Variants in STK32C observed in about 807,000 individuals in gnomAD.
STK32C encodes serine/threonine kinase 32C.
In STK32C, 31 loss-of-function variants were observed where a neutral mutation model predicts 56.5. The observed-to-expected ratio is 0.55, with a 90% CI of 0.41 to 0.74. The LOEUF is 0.74. Ranked by LOEUF, STK32C falls within the 30% of genes least tolerant of loss-of-function variation. The probability of loss-of-function intolerance (pLI) is 0.00; values close to 1 mark genes in which losing one functional copy is unlikely to be tolerated. For synonymous variants in STK32C, 309 were observed against 289.4 expected, an observed-to-expected ratio of 1.07 and a Z score of -0.69; for missense variants, 544 against 676.9, an observed-to-expected ratio of 0.80 and a Z score of 2.18.
At chr10:132,210,358 G>C (rs1220571432) in intron 10 of STK32C, among the ~76,000 whole-genome samples, 1 of 152,228 alleles carries the variant, frequency 6.6e-6, no homozygotes, top group Non-Finnish European at 1.5e-5. Flanking sequence ...CCAGGTTCAA[G>C]TGATTCTGCT....
chr10:132,280,786 C>T (rs911418570), intron 1 of STK32C, among the ~76,000 whole-genome samples: 4 of 147,144 alleles, frequency 2.7e-5, no homozygotes, highest in African/African-American at 5.1e-5. Flanking sequence ...TCTGTGATCA[C>T]GCCACTGCAC....
At chr10:132,309,153 A>G (rs1157345425), upstream of STK32C, among the ~76,000 whole-genome samples, 2 of 152,030 alleles carry the variant, frequency 1.3e-5, no homozygotes, top group Non-Finnish European at 2.9e-5. Flanking sequence ...CTACCCTGTC[A>G]TTCAGCCACT....
intron 10 of STK32C, among the ~76,000 whole-genome samples, chr10:132,221,705 TGACGCACCTGGG>T (rs2062666212): frequency 9.1e-5 from 6 of 65,784 alleles, no homozygotes; most frequent in South Asian, 6.8e-4. Flanking sequence ...CAACTGATGC[TGACGCACCTGGG>T]CGAGTGTGAG....
chr10:132,215,948 G>C (rs1352305673), intron 10 of STK32C, among the ~76,000 whole-genome samples: 1 of 152,198 alleles, frequency 6.6e-6, no homozygotes, highest in African/African-American at 2.4e-5. Flanking sequence ...TACAGCAAAG[G>C]TGGCTCTTGT....
At position 132,246,586 on chromosome 10, in the gene STK32C, G is replaced by A. The variant is rs534644794; in HGVS notation, c.263-631C>T. On this transcript the variant is annotated intron_variant, in intron 1 of 11. Transcript: ENST00000298630. ...TGAGAGCCGTTCCGCAAGCCTGTGC[G>A]AAGCTGCAGAAGGCACCATTTCCCA... Among the ~76,000 whole-genome samples the A allele has an allele frequency of 4.6e-5, 7 of 152,328 alleles. No homozygotes were observed. In the South Asian group the frequency reaches 1.4e-3, roughly 32 times the overall value.
chr10:132,305,689 A>G (rs2066037397), intron 1 of STK32C, among the ~76,000 whole-genome samples: 1 of 152,186 alleles, frequency 6.6e-6, no homozygotes, highest in Admixed American at 6.5e-5. Context: ...CGGCATCCAC[A>G]CTCAGAGGTG....
chr10:132,242,108 T>C (rs137870048), intron 2 of STK32C, among the ~76,000 whole-genome samples: 1 of 33,488 alleles, frequency 3.0e-5, no homozygotes, highest in Non-Finnish European at 5.4e-5. Context: ...AGACCCTGAC[T>C]GAAAAAATGC....
chr10:132,240,683 T>C (rs560399329), intron 2 of STK32C, among the ~76,000 whole-genome samples: 1 of 152,112 alleles, frequency 6.6e-6, no homozygotes, highest in South Asian at 2.1e-4. Context: ...GCGGACGCCG[T>C]GCGCCTGTGC....
At chr10:132,219,166 G>A (rs1178057110) in intron 10 of STK32C, among the ~76,000 whole-genome samples, 1 of 152,184 alleles carries the variant, frequency 6.6e-6, no homozygotes, top group African/African-American at 2.4e-5. Context: ...AAAAACCATG[G>A]AATTATATGC....
chr10:132,302,654 G>C (rs904871614), intron 1 of STK32C, among the ~76,000 whole-genome samples: 1 of 152,206 alleles, frequency 6.6e-6, no homozygotes, highest in African/African-American at 2.4e-5. Context: ...CCCACCCCTT[G>C]CCTCACAGGG....
intron 1 of STK32C, among the ~76,000 whole-genome samples, chr10:132,250,828 G>A (rs1195749508): frequency 3.3e-5 from 5 of 152,218 alleles, no homozygotes; most frequent in African/African-American, 1.2e-4. Flanking sequence ...CCCCAGAGAG[G>A]AGGAAGGTTC....
chr10:132,283,532 G>C (rs766984743), intron 1 of STK32C, among the ~76,000 whole-genome samples: 1 of 152,200 alleles, frequency 6.6e-6, no homozygotes, highest in African/African-American at 2.4e-5. Context: ...CTCTAGAAAG[G>C]CAGATTCCCT....
At position 132,245,861 on chromosome 10, in the gene STK32C, G is replaced by A. The variant is rs372435840; in HGVS notation, c.318+39C>T. 4 of 1,595,632 alleles carry A rather than the reference G, an allele frequency of 2.5e-6. No homozygotes were observed. In the African/African-American group the frequency reaches 5.4e-5, roughly 21 times the overall value. On this transcript the variant is annotated intron_variant, in intron 2 of 11. Transcript: ENST00000298630. ...TGTCCGACTCCACGGTTCTGCCCCT[G>A]CCCCCTCAGCCCAGTCCCCACCCCA...
intron 2 of STK32C, among the ~76,000 whole-genome samples, chr10:132,231,710 C>T (rs958607037): frequency 3.0e-4 from 46 of 152,148 alleles, no homozygotes; most frequent in Non-Finnish European, 4.9e-4. Flanking sequence ...TGATAGACAC[C>T]CTGATAAAAG....
intron 8 of STK32C, among the ~76,000 whole-genome samples, chr10:132,223,581 G>A (rs1002885547): frequency 1.3e-5 from 2 of 152,258 alleles, no homozygotes; most frequent in Non-Finnish European, 2.9e-5. Flanking sequence ...TGAGCCACCT[G>A]GGCAGGTGTG....
chr10:132,225,551 A>C lies in STK32C; in HGVS notation c.748T>G (p.Leu250Val). ...IIKDGERATA[L>V]AGTKPYMAPE... ...CCCATGTACGGCTTGGTGCCTGCTA[A>C]TGCCGTCGCCCGCTCCCCGTCCTTG... Residue 250 changes from leucine to valine, a missense_variant, in exon 6 of 12, where the codon TTA (leucine) becomes GTA (valine). Physicochemically the swap from Leu to Val is conservative, Grantham distance 32. This residue lies in a region of STK32C where 85 missense variants were observed against 149.9 expected (regional missense o/e 0.57). Coordinates refer to ENST00000298630, the MANE Select transcript of STK32C (RefSeq NM_173575.4). 6.2e-7 allele frequency: 1 copy of C among 1,613,872 alleles called. No individual in the cohort carries two copies. The highest frequency in any genetic ancestry group is 8.5e-7 in the Non-Finnish European group (1 of 1,180,028).
chr10:132,252,793 TA>T (rs897139849), intron 1 of STK32C, among the ~76,000 whole-genome samples: 11 of 152,256 alleles, frequency 7.2e-5, no homozygotes, highest in African/African-American at 1.9e-4. Flanking sequence ...GGAAGGCTTT[TA>T]TTTTTTTGGT....
At chr10:132,224,716 G>A (rs1590174164) in intron 7 of STK32C, among the ~76,000 whole-genome samples, 193 bp from the exon 8 acceptor site, 1 of 152,048 alleles carries the variant, frequency 6.6e-6, no homozygotes, top group African/African-American at 2.4e-5. Context: ...CCTGGGTCCT[G>A]CGCCCTGGCT....
intron 1 of STK32C, among the ~76,000 whole-genome samples, chr10:132,301,551 G>A (rs974482367): frequency 2.0e-5 from 3 of 152,140 alleles, no homozygotes; most frequent in Non-Finnish European, 2.9e-5. Context: ...AGGATGCTCC[G>A]CCCAAAAGCA....
Sources: allele counts gnomAD v4.1 joint callset (sites outside exome capture counted in the v4.1 genomes callset), GRCh38; gene constraint gnomAD v4.1.1; regional missense constraint gnomAD v4.1.1; transcripts MANE v1.5; gene names NCBI Gene and HGNC (gene_info 2026-07-23, HGNC 2026-07-21).